The following MAPK3 variants were observed in gnomAD, a reference collection of about 807,000 sequenced individuals.
MAPK3 encodes the protein MAPK 1.
MAPK3 carries 30 observed loss-of-function variants against 41.8 expected under a neutral mutation model. The observed-to-expected ratio is 0.72, with a 90% CI of 0.54 to 0.97. The LOEUF is 0.97. MAPK3 is among the 50% of genes least tolerant of loss of function. The probability of loss-of-function intolerance (pLI) is 0.00; values close to 1 mark genes in which losing one functional copy is unlikely to be tolerated. For missense variants in MAPK3, 413 were observed against 509.9 expected (o/e 0.81, Z 1.83); for synonymous variants, 222 against 213.4 (o/e 1.04, Z -0.35).
chr16:30,121,075 T>C (rs1276196913), intron 2 of MAPK3, among the ~76,000 whole-genome samples: 2 of 151,768 alleles, frequency 1.3e-5, no homozygotes, highest in Admixed American at 1.3e-4. Context: ...GTATAGTACC[T>C]GACACACAGC....
intron 1 of MAPK3, chr16:30,122,381 G>A (rs1044951604): frequency 6.1e-6 from 2 of 330,438 alleles, no homozygotes; most frequent in Non-Finnish European, 1.2e-5. Flanking sequence ...ATACTGGGAA[G>A]GTGGCAGCCA....
At position 30,117,560 on chromosome 16, in the gene MAPK3, G is replaced by A. The variant is rs890992140; in HGVS notation, c.775+110C>T. On this transcript the variant is annotated intron_variant, in intron 5 of 8. Transcript: ENST00000263025. ...TATCTATACCTCATTGAGATACCAT[G>A]AGATGCTGGAGGCACCCCACACGTG... 4 of 855,102 alleles carry A rather than the reference G, an allele frequency of 4.7e-6. No individual in the cohort carries two copies. The African/African-American group carries it at 6.6e-5, about 14-fold the overall frequency. The allele number at this position is 855,102 out of a possible 1,614,324, so 53.0% of individuals were successfully genotyped here. A position where few individuals can be genotyped will look rare whatever the true frequency, so the allele number is the denominator to read the frequency against.
At position 30,123,120 on chromosome 16, in the gene MAPK3, C is replaced by T; in HGVS notation, c.90G>A (p.Met30Ile). 1.3e-6 allele frequency: 2 copies of T among 1,569,538 alleles called. No individual in the cohort carries two copies. The highest frequency in any genetic ancestry group is 1.7e-6 in the Non-Finnish European group (2 of 1,159,056). ...CCACGTCGAACGGCTGCCCCTTCACCATCTCCACCTCCCCCGGGACCCCCG... is the reference window on the plus strand; with the variant it reads ...CCACGTCGAACGGCTGCCCCTTCACTATCTCCACCTCCCCCGGGACCCCCG... ...VGPGVPGEVE[M>I]VKGQPFDVGP... The change falls in exon 1 of 9, where the codon ATG becomes ATA. Residue 30 changes from methionine to isoleucine, a missense_variant. By Grantham distance (10) the Met-to-Ile change is conservative. This residue lies in a region of MAPK3 where 145 missense variants were observed against 133.0 expected (regional missense o/e 1.09). Transcript: ENST00000263025.
intron 2 of MAPK3, among the ~76,000 whole-genome samples, chr16:30,120,283 A>G (rs2073002527): frequency 6.6e-6 from 1 of 152,198 alleles, no homozygotes; most frequent in South Asian, 2.1e-4. Context: ...AGACGCAGTG[A>G]CTTGCTTCAG....
Position 30,118,134 on chromosome 16 carries a change from G to C in MAPK3, c.573C>G (p.Ala191=). Residue 191 remains alanine (A), a synonymous_variant, in exon 4 of 9, where the codon GCC becomes GCG. Transcript: ENST00000263025. Reference sequence around the variant, plus strand: ...AGCCGGTGTGGTCATGCTCAGGATCGGCAATCCGGGCCAGGCCGAAATCAC... The same window carrying C: ...AGCCGGTGTGGTCATGCTCAGGATCCGCAATCCGGGCCAGGCCGAAATCAC... ...KICDFGLARI[A]DPEHDHTGFL... The C allele has an allele frequency of 6.2e-7, 1 of 1,614,052 alleles. No individual in the cohort carries two copies. The highest frequency in any genetic ancestry group is 8.5e-7 in the Non-Finnish European group (1 of 1,180,010).
chr16:30,121,958 G>T lies in MAPK3; in HGVS notation c.219C>A (p.Ile73=). The change falls in exon 2 of 9, where the codon ATC becomes ATA. Residue 73 remains isoleucine, a synonymous_variant. Coordinates refer to ENST00000263025, the MANE Select transcript of MAPK3 (RefSeq NM_002746.3). ...VRKTRVAIKK[I]SPFEHQTYCQ... The stretch of plus-strand genomic sequence containing the variant: ...AGTAGGTCTGATGTTCGAAGGGGCT[G>T]ATCTTCTTGATGGCCACGCGAGTCT... The T allele has an allele frequency of 6.2e-6, 10 of 1,614,196 alleles. No individual in the cohort carries two copies. The highest frequency in any genetic ancestry group is 8.5e-6 in the Non-Finnish European group (10 of 1,180,050).
Position 30,116,728 on chromosome 16 carries a change from C to T in MAPK3, c.1080G>A (p.Leu360=), listed in dbSNP as rs559025920. ...MELDDLPKER[L]KELIFQETAR... is the part of the protein sequence containing the mutation. ...CTGTCTCCTGGAAGATGAGCTCCTT[C>T]AGCCGCTCCTTAGGTAGGTCATCCA... The change falls in exon 8 of 9, where the codon CTG becomes CTA. Residue 360 remains leucine (L), a synonymous_variant. Transcript: ENST00000263025. The T allele has an allele frequency of 6.2e-7, 1 of 1,613,824 alleles. No individual in the cohort carries two copies. Among genetic ancestry groups the T allele is most frequent in the Admixed American group, 1.7e-5 (1 of 60,000 alleles).
intron 5 of MAPK3, 122 bp from the exon 6 acceptor site, chr16:30,117,407 T>C (rs2072967703): frequency 1.0e-6 from 1 of 1,004,502 alleles, no homozygotes. Context: ...AGTCACCTCC[T>C]AGTCATTAGC....
rs531412625 is a variant in MAPK3, at chr16:30,120,723, C to T, written c.353+1101G>A. On this transcript the variant is annotated intron_variant, in intron 2 of 8. Coordinates refer to ENST00000263025, the MANE Select transcript of MAPK3 (RefSeq NM_002746.3). ...TTTTTTGACAGGGTCACGCTCTGTC[C>T]CCCAGGCTAGAGTGCAGTAGCACAA... 4.0e-5 allele frequency among the ~76,000 whole-genome samples: 6 copies of T among 149,788 alleles called. No individual in the cohort carries two copies. In the East Asian group the frequency reaches 5.8e-4, roughly 15 times the overall value.
intron 8 of MAPK3, among the ~76,000 whole-genome samples, chr16:30,115,094 A>T (rs1219284867): frequency 6.6e-6 from 1 of 150,548 alleles, no homozygotes; most frequent in Admixed American, 6.6e-5. Flanking sequence ...AAAAAAAATT[A>T]GCCGGTTGCA....
rs2073034354 is a variant in MAPK3, at chr16:30,123,094, C to G, written c.116G>C (p.Gly39Ala). 1 of 1,575,112 alleles carries G rather than the reference C, an allele frequency of 6.3e-7. No individual in the cohort carries two copies. The highest frequency in any genetic ancestry group is 1.4e-5 in the African/African-American group (1 of 71,090). ...GTACTGCAACTGCGTGTAGCGCGGGCCCACGTCGAACGGCTGCCCCTTCAC... is the reference window on the plus strand; with the variant it reads ...GTACTGCAACTGCGTGTAGCGCGGGGCCACGTCGAACGGCTGCCCCTTCAC... ...EMVKGQPFDV[G>A]PRYTQLQYIG... Residue 39 changes from glycine to alanine, a missense_variant, in exon 1 of 9, where the codon GGC becomes GCC. Around this residue, in one of 4 missense-constraint regions of MAPK3, gnomAD observed 145 missense variants for 133.0 expected, o/e 1.09. Coordinates refer to ENST00000263025, the MANE Select transcript of MAPK3 (RefSeq NM_002746.3).
chr16:30,119,049 C>T lies in MAPK3; in HGVS notation c.354-511G>A, dbSNP rs181423637. Reference sequence around the variant, plus strand: ...CCCAGCTACTCAGGAGGCTGCAGCACGAGAATCACTTGAACCCAGGAGGCA... The same window carrying T: ...CCCAGCTACTCAGGAGGCTGCAGCATGAGAATCACTTGAACCCAGGAGGCA... On this transcript the variant is annotated intron_variant, in intron 2 of 8. Coordinates refer to ENST00000263025, the MANE Select transcript of MAPK3 (RefSeq NM_002746.3). 1.8e-3 allele frequency among the ~76,000 whole-genome samples: 280 copies of T among 151,606 alleles called. 2 individuals carry two copies. Among genetic ancestry groups the T allele is most frequent in the African/African-American group, 6.4e-3 (266 of 41,330 alleles).
At chr16:30,118,263 A>G (rs1423568233) in intron 3 of MAPK3, 86 bp downstream of exon 3, 9 of 1,571,314 alleles carry the variant, frequency 5.7e-6, no homozygotes, top group Non-Finnish European at 7.0e-6. Flanking sequence ...TTTGCTTGCA[A>G]TGTTCTCCTG....
At chr16:30,121,736 G>GT in intron 2 of MAPK3, 88 bp downstream of exon 2, 5 of 1,358,358 alleles carry the variant, frequency 3.7e-6, no homozygotes, top group Non-Finnish European at 5.1e-6. Context: ...AGGGTGGTGG[G>GT]TAAGATGGAA....
rs1425100938 is a variant in MAPK3, at chr16:30,114,501, G to A, written c.*240C>T. The stretch of plus-strand genomic sequence containing the variant: ...GGCGCAGCAGCAGCAGCGGGAGATT[G>A]AACTGGGGCCACCTGAGGTCCCGAG... On this transcript the variant is annotated 3_prime_UTR_variant, in exon 9 of 9. Transcript: ENST00000263025. 2 of 143,728 alleles carry A rather than the reference G, an allele frequency of 1.4e-5. No individual in the cohort carries two copies. The highest frequency in any genetic ancestry group is 5.0e-5 in the African/African-American group (2 of 39,840). 8.9% of individuals were successfully genotyped at this position (143,728 alleles called of 1,614,324 possible).
At chr16:30,116,523 G>T in intron 8 of MAPK3, 113 bp downstream of exon 8, 2 of 1,188,202 alleles carry the variant, frequency 1.7e-6, no homozygotes, top group Non-Finnish European at 1.2e-6. Flanking sequence ...GACCATGGGT[G>T]TGGGGTAAGC....
At chr16:30,122,118 T>A in intron 1 of MAPK3, 112 bp from the exon 2 acceptor site, 1 of 988,908 alleles carries the variant, frequency 1.0e-6, no homozygotes, top group South Asian at 1.4e-5. Flanking sequence ...CTGGCTCTGG[T>A]CAAATCATAA....
chr16:30,116,819 G>A lies in MAPK3; in HGVS notation c.1018-29C>T. 6.2e-7 allele frequency: 1 copy of A among 1,613,722 alleles called. No homozygotes were observed. The highest frequency in any genetic ancestry group is 8.5e-7 in the Non-Finnish European group (1 of 1,179,932). ...GGGTGGTAGAGACAGCAAGGCTCAG[G>A]CCTGGCATGGGGGATGCCTACGTGC... On this transcript the variant is annotated intron_variant, in intron 7 of 8. Coordinates refer to ENST00000263025, the MANE Select transcript of MAPK3 (RefSeq NM_002746.3).
At chr16:30,115,300 TCACACAGCACTTA>T (rs1278735041) in intron 8 of MAPK3, among the ~76,000 whole-genome samples, 2 of 152,094 alleles carry the variant, frequency 1.3e-5, no homozygotes, top group Non-Finnish European at 2.9e-5. Context: ...TTGCCCAATA[TCACACAGCACTTA>T]CTAAGTGGCA....
Sources: gnomAD v4.1 joint callset for allele counts (sites outside exome capture counted in the v4.1 genomes callset) on GRCh38, gnomAD v4.1.1 for gene constraint, gnomAD v4.1.1 regional missense constraint, MANE v1.5 for transcripts, NCBI Gene and HGNC (gene_info 2026-07-23, HGNC 2026-07-21) for gene names.